Variants in NBEAL1 observed in about 807,000 individuals in gnomAD.
The protein encoded by NBEAL1 is neurobeachin like 1.
NBEAL1 carries 273 observed loss-of-function variants against 351.3 expected under a neutral mutation model. The ratio of observed to expected loss-of-function variants is 0.78; its 90% CI spans 0.70 to 0.86. The LOEUF (loss-of-function observed/expected upper bound fraction) is 0.86, where lower values mean the gene tolerates loss of function less well. Among genes scored for constraint, NBEAL1 ranks in the 40% least tolerant of loss-of-function variants. The pLI is 0.00. For synonymous variants in NBEAL1, 1,050 were observed against 1,086.4 expected (o/e 0.97, Z 0.66); for missense variants, 2,961 against 3,201.3 (o/e 0.92, Z 1.81).
At chr2:203,190,052 T>C (rs2105773269) in intron 45 of NBEAL1, among the ~76,000 whole-genome samples, 1 of 151,592 alleles carries the variant, frequency 6.6e-6, no homozygotes, top group East Asian at 2.0e-4. Context: ...AGGAGAATTG[T>C]TTGAACCCAG....
rs186410623 is a variant in NBEAL1, at chr2:203,035,837, G to A, written c.52-5928G>A. On this transcript the variant is annotated intron_variant, in intron 2 of 55. Coordinates refer to ENST00000683969, the MANE Select transcript of NBEAL1 (RefSeq NM_001378026.1). ...CATAGAACATTACTGTTTTGTGGGA[G>A]TTTCCTGATTTGGGCACATAGTAGA... 1.3e-4 allele frequency among the ~76,000 whole-genome samples: 19 copies of A among 149,314 alleles called. 1 individual carries two copies. The highest frequency in any genetic ancestry group is 4.6e-4 in the African/African-American group (19 of 41,184).
chr2:203,108,073 C>A lies in NBEAL1; in HGVS notation c.1834C>A (p.Pro612Thr). 6.4e-7 allele frequency: 1 copy of A among 1,552,280 alleles called. No homozygotes were observed. Among genetic ancestry groups the A allele is most frequent in the Non-Finnish European group, 8.7e-7 (1 of 1,147,144 alleles). ...TAGTATGGCAGGAATTTCTGTGCCT[C>A]CCATACAGAAATGGCCAGGGTCTGC... The part of the protein sequence containing the change: ...SHSMAGISVP[P>T]IQKWPGSAFS... The change falls in exon 14 of 56, where the codon CCC (proline) becomes ACC (threonine). Residue 612 changes from proline (P) to threonine (T), a missense_variant. By Grantham distance (38) the Pro-to-Thr change is conservative. Coordinates refer to ENST00000683969, the MANE Select transcript of NBEAL1 (RefSeq NM_001378026.1).
intron 50 of NBEAL1, 39 bp downstream of exon 50, chr2:203,201,754 T>A (rs2065406096): frequency 6.6e-7 from 1 of 1,524,628 alleles, no homozygotes; most frequent in Non-Finnish European, 8.8e-7. Context: ...CTCAAAAATT[T>A]TCTTTTTTTC....
rs191921155 is a variant in NBEAL1, at chr2:203,077,823, G to A, written c.670G>A (p.Val224Ile). The A allele has an allele frequency of 5.8e-5, 85 of 1,456,560 alleles. No homozygotes were observed. Among genetic ancestry groups the A allele is most frequent in the Admixed American group, 2.8e-4 (12 of 43,562 alleles). 90.2% of individuals were successfully genotyped at this position (1,456,560 alleles called of 1,614,324 possible). ...CCLLHLFGAI[V>I]AGGQRNALQA... is the part of the protein sequence containing the mutation. ...CTTATTGCATCTCTTTGGAGCCATT[G>A]TAGCCGGTGGGCAGGTAAGGAAAGT... The change falls in exon 8 of 56, where the codon GTA becomes ATA. Residue 224 changes from valine (V) to isoleucine (I), a missense_variant. Coordinates refer to ENST00000683969, the MANE Select transcript of NBEAL1 (RefSeq NM_001378026.1).
At chr2:203,059,800 A>G (rs2061467116) in intron 6 of NBEAL1, among the ~76,000 whole-genome samples, 1 of 152,170 alleles carries the variant, frequency 6.6e-6, no homozygotes, top group Admixed American at 6.5e-5. Context: ...GGGAGGACTG[A>G]TTGAGCCCAA....
At chr2:203,129,201 T>G (rs895599720) in intron 24 of NBEAL1, among the ~76,000 whole-genome samples, 1 of 152,158 alleles carries the variant, frequency 6.6e-6, no homozygotes, top group Non-Finnish European at 1.5e-5. Flanking sequence ...TTTTGGAAAT[T>G]TATATTCAGA....
At chr2:203,086,462 T>A (rs2061962556) in intron 10 of NBEAL1, among the ~76,000 whole-genome samples, 4 of 152,200 alleles carry the variant, frequency 2.6e-5, no homozygotes, top group Admixed American at 2.6e-4. Flanking sequence ...CTTGAGGAAT[T>A]CCACTTGAAT....
At chr2:203,120,032 A>G (rs775915705) in intron 18 of NBEAL1, among the ~76,000 whole-genome samples, 2 of 152,210 alleles carry the variant, frequency 1.3e-5, no homozygotes, top group African/African-American at 4.8e-5. Context: ...CAATACAAAG[A>G]TAAATAAATA....
chr2:203,173,614 A>G (rs552509663), intron 41 of NBEAL1, among the ~76,000 whole-genome samples: 5 of 152,196 alleles, frequency 3.3e-5, no homozygotes, highest in Non-Finnish European at 7.4e-5. Flanking sequence ...TTGATTTACC[A>G]GTGGAACTTT....
At chr2:203,157,318 T>G (rs1237980543) in intron 35 of NBEAL1, among the ~76,000 whole-genome samples, 1 of 152,138 alleles carries the variant, frequency 6.6e-6, no homozygotes, top group Non-Finnish European at 1.5e-5. Flanking sequence ...TTAGTATTGC[T>G]TTTGTACAAA....
intron 17 of NBEAL1, 98 bp from the exon 18 acceptor site, chr2:203,115,887 G>C (rs781009542): frequency 8.0e-6 from 6 of 745,504 alleles, no homozygotes; most frequent in Non-Finnish European, 1.1e-5. Context: ...TGTTTGAGTA[G>C]CTTGAAACAG....
intron 6 of NBEAL1, among the ~76,000 whole-genome samples, chr2:203,060,298 T>A (rs2061477551): frequency 2.0e-5 from 3 of 151,930 alleles, no homozygotes; most frequent in South Asian, 2.1e-4. Flanking sequence ...AAAAAGAAAA[T>A]TTTTTTGATA....
intron 39 of NBEAL1, 50 bp from the exon 40 acceptor site, chr2:203,171,878 A>G (rs2064330732): frequency 4.7e-6 from 5 of 1,060,542 alleles, no homozygotes; most frequent in Non-Finnish European, 6.9e-6. Context: ...CCAATGTCTA[A>G]GAGATGTAGA....
intron 2 of NBEAL1, chr2:203,041,040 A>C: frequency 4.5e-6 from 1 of 220,588 alleles, no homozygotes; most frequent in South Asian, 7.5e-5. Context: ...ATAGTGGCTT[A>C]TGTTCATGGC....
At chr2:203,151,722 T>A in intron 35 of NBEAL1, 133 bp downstream of exon 35, 1 of 787,846 alleles carries the variant, frequency 1.3e-6, no homozygotes, top group Non-Finnish European at 1.8e-6. Context: ...GATATTTAAG[T>A]GACTATATGT....
chr2:203,159,755 G>A (rs1220066925), intron 36 of NBEAL1, among the ~76,000 whole-genome samples: 1 of 151,994 alleles, frequency 6.6e-6, no homozygotes, highest in African/African-American at 2.4e-5. Context: ...ATCTACTGAG[G>A]AGTATAATAG....
intron 25 of NBEAL1, 138 bp downstream of exon 25, chr2:203,130,614 G>T: frequency 1.9e-6 from 1 of 536,334 alleles, no homozygotes; most frequent in Non-Finnish European, 2.8e-6. Flanking sequence ...TTTATATATA[G>T]TTTTCATGTT....
chr2:203,074,561 C>T (rs1196326706), intron 7 of NBEAL1: 1 of 152,142 alleles, frequency 6.6e-6, no homozygotes, highest in African/African-American at 2.4e-5. Context: ...CTCCTGGCCG[C>T]AAGTGAGCCA....
chr2:203,096,609 C>G (rs1394579121), intron 10 of NBEAL1, among the ~76,000 whole-genome samples: 1 of 152,112 alleles, frequency 6.6e-6, no homozygotes, highest in East Asian at 1.9e-4. Flanking sequence ...CCCATGTATG[C>G]TAGAGATAAT....
Sources: allele counts gnomAD v4.1 joint callset (sites outside exome capture counted in the v4.1 genomes callset), GRCh38; gene constraint gnomAD v4.1.1; transcripts MANE v1.5; gene names NCBI Gene and HGNC (gene_info 2026-07-23, HGNC 2026-07-21).